Variants in PSMF1 observed in about 807,000 individuals in gnomAD.
PSMF1 encodes the protein proteasome inhibitor subunit 1.
Under a neutral mutation model 29.3 loss-of-function variants are expected in PSMF1, and 30 were observed. The ratio of observed to expected loss-of-function variants is 1.02; its 90% CI spans 0.77 to 1.39. The LOEUF is 1.39. PSMF1 is among the 40% of genes most tolerant of loss of function. The probability of loss-of-function intolerance (pLI) is 0.00; values close to 1 mark genes in which losing one functional copy is unlikely to be tolerated. For missense variants in PSMF1, 344 were observed against 357.5 expected, an observed-to-expected ratio of 0.96 and a Z score of 0.31; for synonymous variants, 134 against 139.7, an observed-to-expected ratio of 0.96 and a Z score of 0.29.
Position 1,139,659 on chromosome 20 carries a change from G to A in PSMF1, c.551+4353G>A, listed in dbSNP as rs186631197. 3.1e-3 allele frequency among the ~76,000 whole-genome samples: 475 copies of A among 151,720 alleles called. 3 individuals are homozygous for A. Among genetic ancestry groups the A allele is most frequent in the African/African-American group, 0.011 (445 of 41,366 alleles). ...ACTCAGGAGGCTGAGGCAGGAGAAC[G>A]GCGTGAACCCGGGAGGCAGAGCTTG... On this transcript the variant is annotated intron_variant, in intron 4 of 6. Transcript: ENST00000335877.
At position 1,133,569 on chromosome 20, in the gene PSMF1, A is replaced by ATATATATATATATATTTTTT; in HGVS notation, c.366-1551_366-1550insATATATATATATATTTTTTT. On this transcript the variant is annotated intron_variant, in intron 3 of 6. Coordinates refer to ENST00000335877, the MANE Select transcript of PSMF1 (RefSeq NM_006814.5). ...TCTATATATGTGTATATATATATAT[A>ATATATATATATATATTTTTT]TTTTTTTTTTTTTTTTGGTGTAGTC... 3.4e-3 allele frequency among the ~76,000 whole-genome samples: 182 copies of ATATATATATATATATTTTTT among 53,210 alleles called. 2 individuals carry two copies. Among genetic ancestry groups the ATATATATATATATATTTTTT allele is most frequent in the African/African-American group, 5.3e-3 (94 of 17,778 alleles). 34.9% of individuals were successfully genotyped at this position (53,210 alleles called of 152,430 possible). A position where few individuals can be genotyped will look rare whatever the true frequency, so the allele number is the denominator to read the frequency against.
At chr20:1,161,663 T>C in intron 4 of PSMF1, 1 of 673,702 alleles carries the variant, frequency 1.5e-6, no homozygotes, top group Non-Finnish European at 2.8e-6. Context: ...GTATGACAAG[T>C]CGGGCCCCTC....
At chr20:1,116,774 C>CA (rs1212226324), upstream of PSMF1, among the ~76,000 whole-genome samples, 1 of 148,494 alleles carries the variant, frequency 6.7e-6, no homozygotes, top group Non-Finnish European at 1.5e-5. Flanking sequence ...TAATGCTTTG[C>CA]AGGAAAAAAA....
chr20:1,162,291 A>G (rs1277596245), intron 4 of PSMF1, among the ~76,000 whole-genome samples: 3 of 152,108 alleles, frequency 2.0e-5, no homozygotes, highest in African/African-American at 4.8e-5. Flanking sequence ...TTGGTATGCA[A>G]TTCTTGAGTC....
intron 4 of PSMF1, among the ~76,000 whole-genome samples, chr20:1,153,399 C>A (rs1271759018): frequency 1.3e-5 from 2 of 152,102 alleles, no homozygotes; most frequent in Admixed American, 1.3e-4. Flanking sequence ...CATTTCTTCT[C>A]ATGTGTCTGC....
intron 4 of PSMF1, among the ~76,000 whole-genome samples, chr20:1,153,212 G>A (rs2086553206): frequency 6.6e-6 from 1 of 152,180 alleles, no homozygotes; most frequent in East Asian, 1.9e-4. Flanking sequence ...GCATATGTGT[G>A]CATCATAAAT....
rs2086716678 is a variant in PSMF1 at position 1,165,373 on chromosome 20, C to T, written c.*293C>T. 1.5e-6 allele frequency: 2 copies of T among 1,329,774 alleles called. No individual in the cohort carries two copies. Among genetic ancestry groups the T allele is most frequent in the Admixed American group, 3.5e-5 (1 of 28,430 alleles). The allele number at this position is 1,329,774 out of a possible 1,614,324, so 82.4% of individuals were successfully genotyped here. A position where few individuals can be genotyped will look rare whatever the true frequency, so the allele number is the denominator to read the frequency against. On this transcript the variant is annotated 3_prime_UTR_variant, in exon 7 of 7. Coordinates refer to ENST00000335877, the MANE Select transcript of PSMF1 (RefSeq NM_006814.5). ...TCCCAAGGGAGACTCCGGCAACCTT[C>T]AGCAACATATATCCTCGACCAGATG...
chr20:1,135,348 A>T, intron 4 of PSMF1, 42 bp downstream of exon 4: 1 of 1,546,124 alleles, frequency 6.5e-7, no homozygotes, highest in Non-Finnish European at 8.8e-7. Flanking sequence ...GCTTCTGTAG[A>T]GGGATTCCAG....
rs116290767 is a variant in PSMF1 at position 1,119,258 on chromosome 20, C to T, written c.129+356C>T. ...CAGAGCACTTCTCACCCACCTGATCCCGTCTGAACTCCTTACCACCCAGCC... is the reference window on the plus strand; with the variant it reads ...CAGAGCACTTCTCACCCACCTGATCTCGTCTGAACTCCTTACCACCCAGCC... On this transcript the variant is annotated intron_variant, in intron 1 of 6. Coordinates refer to ENST00000335877, the MANE Select transcript of PSMF1 (RefSeq NM_006814.5). Among the ~76,000 whole-genome samples, 764 of 152,236 alleles carry T rather than the reference C, an allele frequency of 5.0e-3. 5 individuals carry two copies. Among genetic ancestry groups the T allele is most frequent in the African/African-American group, 0.017 (716 of 41,528 alleles).
rs1191745047 is a variant in PSMF1 at position 1,171,700 on chromosome 20, C to CT, written c.*6621dup. Among the ~76,000 whole-genome samples, 3 of 152,202 alleles carry CT rather than the reference C, an allele frequency of 2.0e-5. No individual in the cohort carries two copies. Among genetic ancestry groups the CT allele is most frequent in the African/African-American group, 7.2e-5 (3 of 41,446 alleles). Reference sequence around the variant, plus strand: ...TCAGCGCCCAGCCTCCCTAAAGCCGCTGGAGGAGGCCTTTGGAGCCAGCTC... The same window carrying CT: ...TCAGCGCCCAGCCTCCCTAAAGCCGCTTGGAGGAGGCCTTTGGAGCCAGCTC... On this transcript the variant is annotated 3_prime_UTR_variant, in exon 7 of 7. Transcript: ENST00000335877.
intron 3 of PSMF1, among the ~76,000 whole-genome samples, chr20:1,129,397 G>A (rs1313133150): frequency 2.6e-5 from 4 of 152,188 alleles, no homozygotes; most frequent in Non-Finnish European, 4.4e-5. Flanking sequence ...TATCTAATCA[G>A]CAATACCCTC....
chr20:1,161,048 G>C, intron 4 of PSMF1: 1 of 417,950 alleles, frequency 2.4e-6, no homozygotes, highest in Non-Finnish European at 4.4e-6. Context: ...TTCTGGAGAC[G>C]GAGTCACACA....
At chr20:1,160,867 G>T in intron 4 of PSMF1, 1 of 459,102 alleles carries the variant, frequency 2.2e-6, no homozygotes. Context: ...CAAGCTGCAT[G>T]TGTTCCTGGA....
chr20:1,127,774 CTCAT>C (rs1197811525), intron 3 of PSMF1, among the ~76,000 whole-genome samples: 1 of 152,158 alleles, frequency 6.6e-6, no homozygotes, highest in South Asian at 2.1e-4. Context: ...GCCCGGGCAA[CTCAT>C]TCAGTCAGAG....
rs4813044 is a variant in PSMF1 at position 1,168,139 on chromosome 20, A to G, written c.*3059A>G. On this transcript the variant is annotated 3_prime_UTR_variant, in exon 7 of 7. Transcript: ENST00000335877. ...CAGAGTCAGTCCCCCTTGGGGAGCA[A>G]TCTGTGGTTTTGATAATCACCACCT... 68,421 of 152,090 alleles carry G rather than the reference A, an allele frequency of 0.45. 16,018 individuals are homozygous for G. Among genetic ancestry groups the G allele is most frequent in the East Asian group, 0.73 (3,805 of 5,178 alleles). 9.4% of individuals were successfully genotyped at this position (152,090 alleles called of 1,614,324 possible). A position where few individuals can be genotyped will look rare whatever the true frequency, so the allele number is the denominator to read the frequency against.
At position 1,153,974 on chromosome 20, in the gene PSMF1, C is replaced by A. The variant is rs140173782; in HGVS notation, c.552-9156C>A. 6.6e-5 allele frequency among the ~76,000 whole-genome samples: 10 copies of A among 152,282 alleles called. No individual in the cohort carries two copies. The East Asian group carries it at 1.7e-3, about 26-fold the overall frequency. On this transcript the variant is annotated intron_variant, in intron 4 of 6. Coordinates refer to ENST00000335877, the MANE Select transcript of PSMF1 (RefSeq NM_006814.5). ...TTAAGTACAGTATTATTTGTAGTTA[C>A]GCATGCATACCCCAGAAACATCAGT...
chr20:1,135,769 A>T (rs1436702882), intron 4 of PSMF1, among the ~76,000 whole-genome samples: 1 of 152,150 alleles, frequency 6.6e-6, no homozygotes, highest in Non-Finnish European at 1.5e-5. Context: ...TAGTCCCCCA[A>T]TCTCACTATC....
chr20:1,140,781 A>C (rs985358998), intron 4 of PSMF1, among the ~76,000 whole-genome samples: 17 of 152,248 alleles, frequency 1.1e-4, no homozygotes, highest in Admixed American at 9.2e-4. Context: ...TCAATTTTAA[A>C]ATGTTCAAAG....
intron 4 of PSMF1, among the ~76,000 whole-genome samples, chr20:1,159,623 CG>C (rs967491597): frequency 2.0e-5 from 3 of 152,146 alleles, no homozygotes; most frequent in African/African-American, 7.2e-5. Flanking sequence ...CCACTCTGGG[CG>C]GGGGGGCACT....
Sources: gnomAD v4.1 joint callset for allele counts (sites outside exome capture counted in the v4.1 genomes callset) on GRCh38, gnomAD v4.1.1 for gene constraint, MANE v1.5 for transcripts, NCBI Gene and HGNC (gene_info 2026-07-23, HGNC 2026-07-21) for gene names.